KYNU: variants seen among roughly 807,000 people sequenced by gnomAD.
The protein encoded by KYNU is L-kynurenine hydrolase.
KYNU carries 54 observed loss-of-function variants against 59.2 expected under a neutral mutation model. The ratio of observed to expected loss-of-function variants is 0.91; its 90% CI spans 0.73 to 1.14. The LOEUF (loss-of-function observed/expected upper bound fraction) is 1.14. KYNU is among the 50% of genes most tolerant of loss of function. The pLI is 0.00. For missense variants in KYNU, 567 were observed against 554.4 expected (o/e 1.02, Z -0.23); for synonymous variants, 177 against 192.0 (o/e 0.92, Z 0.65).
Position 142,983,684 on chromosome 2 carries a change from A to G in KYNU, c.730-1400A>G, listed in dbSNP as rs115446664. Reference sequence around the variant, plus strand: ...ACCACTGAGGGTCTTAGGAGATTTGACATTGGCTCTATATCTGTATTTACT... The same window carrying G: ...ACCACTGAGGGTCTTAGGAGATTTGGCATTGGCTCTATATCTGTATTTACT... On this transcript the variant is annotated intron_variant, in intron 8 of 13. Coordinates refer to ENST00000264170, the MANE Select transcript of KYNU (RefSeq NM_003937.3). Among the ~76,000 whole-genome samples, 198 of 152,192 alleles carry G rather than the reference A, an allele frequency of 1.3e-3. 2 individuals carry two copies. Among genetic ancestry groups the G allele is most frequent in the African/African-American group, 4.0e-3 (166 of 41,560 alleles).
At chr2:142,919,504 T>C (rs903442916) in intron 3 of KYNU, among the ~76,000 whole-genome samples, 6 of 152,228 alleles carry the variant, frequency 3.9e-5, no homozygotes, top group African/African-American at 1.4e-4. Flanking sequence ...AGGAAAACGT[T>C]TCAGAAAGAT....
In KYNU at chr2:142,908,779, C is replaced by T. The variant is rs575167802; in HGVS notation, c.170-9830C>T. Among the ~76,000 whole-genome samples, 27 of 152,132 alleles carry T rather than the reference C, an allele frequency of 1.8e-4. 1 individual carries two copies. In the East Asian group the frequency reaches 3.1e-3, roughly 17 times the overall value. On this transcript the variant is annotated intron_variant, in intron 2 of 13. Transcript: ENST00000264170. ...TCTCCTGAGTAGCTGGGAACACATG[C>T]GCCCACCACCACGCCTGGCTAATTT... is the stretch of plus-strand genomic sequence containing the variant.
intron 10 of KYNU, among the ~76,000 whole-genome samples, chr2:142,998,891 C>A (rs1685622641): frequency 6.6e-6 from 1 of 151,464 alleles, no homozygotes; most frequent in Non-Finnish European, 1.5e-5. Context: ...TGCCTATAAT[C>A]CCAGCTACTC....
intron 2 of KYNU, among the ~76,000 whole-genome samples, chr2:142,917,162 G>GA (rs11433429): frequency 0.025 from 3,871 of 152,026 alleles, 169 homozygotes; most frequent in Admixed American, 0.11. Flanking sequence ...TTGCCTTTGG[G>GA]AAAAAAAGGT....
At chr2:143,037,814 A>G (rs1370491416) in intron 12 of KYNU, among the ~76,000 whole-genome samples, 1 of 152,214 alleles carries the variant, frequency 6.6e-6, no homozygotes, top group Admixed American at 6.5e-5. Context: ...TATTTATGTT[A>G]CTTCCCTATT....
At chr2:142,951,685 C>T (rs1683994777) in intron 4 of KYNU, among the ~76,000 whole-genome samples, 2 of 152,160 alleles carry the variant, frequency 1.3e-5, no homozygotes, top group Admixed American at 1.3e-4. Flanking sequence ...TGCACCACCC[C>T]CAGTTATAAG....
chr2:142,947,419 A>G, intron 4 of KYNU: 1 of 565,954 alleles, frequency 1.8e-6, no homozygotes, highest in Non-Finnish European at 3.0e-6. Flanking sequence ...CTAATGTCCC[A>G]AACAGCGCTT....
rs6761885 is a variant in KYNU, at chr2:143,034,234, A to G, written c.1041+913A>G. 2.2e-3 allele frequency among the ~76,000 whole-genome samples: 336 copies of G among 152,018 alleles called. 2 individuals are homozygous for G. Among genetic ancestry groups the G allele is most frequent in the African/African-American group, 7.7e-3 (321 of 41,504 alleles). On this transcript the variant is annotated intron_variant, in intron 12 of 13. Transcript: ENST00000264170. ...TTTAAGTAAAATATATTTTAAGTAA[A>G]TGTGCATATATATTTCTAATAGAAG...
chr2:142,918,509 TCTTA>T (rs769985095), intron 2 of KYNU, 96 bp from the exon 3 acceptor site: 24 of 1,278,156 alleles, frequency 1.9e-5, no homozygotes, highest in Non-Finnish European at 2.6e-5. Flanking sequence ...TTTTTATCCT[TCTTA>T]GAGTTGATTG....
chr2:142,948,035 A>G (rs1349867746), intron 4 of KYNU: 1 of 152,154 alleles, frequency 6.6e-6, no homozygotes, highest in African/African-American at 2.4e-5. Flanking sequence ...TTAAGATCTA[A>G]TAATTGTGTC....
At chr2:143,001,437 GA>G (rs1487669248) in intron 10 of KYNU, among the ~76,000 whole-genome samples, 1 of 152,104 alleles carries the variant, frequency 6.6e-6, no homozygotes, top group Non-Finnish European at 1.5e-5. Context: ...CCTCCAAAAA[GA>G]AGGATAATTT....
intron 8 of KYNU, among the ~76,000 whole-genome samples, chr2:142,981,288 G>T (rs1359730503): frequency 6.6e-6 from 1 of 151,998 alleles, no homozygotes; most frequent in East Asian, 1.9e-4. Flanking sequence ...AGTTTTCTTA[G>T]AAAAATTGAG....
rs142067474 is a variant in KYNU, at chr2:142,912,360, C to G, written c.170-6249C>G. 8.9e-3 allele frequency among the ~76,000 whole-genome samples: 1,150 copies of G among 128,922 alleles called. 11 individuals are homozygous for G. Among genetic ancestry groups the G allele is most frequent in the Middle Eastern group, 0.026 (6 of 230 alleles). The allele number at this position is 128,922 out of a possible 152,430, so 84.6% of individuals were successfully genotyped here. A position where few individuals can be genotyped will look rare whatever the true frequency, so the allele number is the denominator to read the frequency against. ...AGTGTTCATAAGAGTCTCTAAGGAT[C>G]TTTTGTATTTCTTTTTTTTTTTTTT... On this transcript the variant is annotated intron_variant, in intron 2 of 13. Transcript: ENST00000264170.
chr2:143,019,648 GTATCAGGGTAATGC>G (rs1686353825), intron 10 of KYNU, among the ~76,000 whole-genome samples: 1 of 152,074 alleles, frequency 6.6e-6, no homozygotes, highest in Non-Finnish European at 1.5e-5. Flanking sequence ...TCTGCTATTG[GTATCAGGGTAATGC>G]TGGCCTCATG....
chr2:142,957,732 GA>G lies in KYNU; in HGVS notation c.582+20del. On this transcript the variant is annotated intron_variant, in intron 7 of 13. Coordinates refer to ENST00000264170, the MANE Select transcript of KYNU (RefSeq NM_003937.3). ...CCAAGAGAGGTATATGAGAAAGAAA[GA>G]AATATTTGTCATGCTTTGTTTAGTA... 6.8e-7 allele frequency: 1 copy of G among 1,462,102 alleles called. No homozygotes were observed. The highest frequency in any genetic ancestry group is 9.6e-7 in the Non-Finnish European group (1 of 1,042,220). The allele number at this position is 1,462,102 out of a possible 1,614,324, so 90.6% of individuals were successfully genotyped here. A position where few individuals can be genotyped will look rare whatever the true frequency, so the allele number is the denominator to read the frequency against.
At chr2:142,941,245 G>A (rs188672003) in intron 4 of KYNU, among the ~76,000 whole-genome samples, 1 of 152,300 alleles carries the variant, frequency 6.6e-6, no homozygotes, top group East Asian at 1.9e-4. Context: ...ATCTAAGGGA[G>A]CTTGTTATGA....
At chr2:143,032,673 A>G (rs1466975679) in intron 11 of KYNU, among the ~76,000 whole-genome samples, 1 of 129,844 alleles carries the variant, frequency 7.7e-6, no homozygotes, top group African/African-American at 2.7e-5. Flanking sequence ...TACCTTTTTT[A>G]TATACTTAGG....
At chr2:142,923,418 T>C (rs1682948475) in intron 3 of KYNU, among the ~76,000 whole-genome samples, 1 of 152,208 alleles carries the variant, frequency 6.6e-6, no homozygotes. Context: ...TTTGGGTGAT[T>C]ATATTTATTT....
In KYNU at chr2:142,999,315, T is replaced by C. The variant is rs534428084; in HGVS notation, c.902+13294T>C. 2.5e-3 allele frequency among the ~76,000 whole-genome samples: 378 copies of C among 152,288 alleles called. 3 individuals are homozygous for C. The highest frequency in any genetic ancestry group is 4.4e-3 in the Non-Finnish European group (299 of 68,024). On this transcript the variant is annotated intron_variant, in intron 10 of 13. Coordinates refer to ENST00000264170, the MANE Select transcript of KYNU (RefSeq NM_003937.3). ...CTCCTTTGTATTATAATGTGGATAA[T>C]GATAGTATAATTCATAGGATTATTT...
Sources: allele counts gnomAD v4.1 joint callset (sites outside exome capture counted in the v4.1 genomes callset), GRCh38; gene constraint gnomAD v4.1.1; transcripts MANE v1.5; gene names NCBI Gene and HGNC (gene_info 2026-07-23, HGNC 2026-07-21).